The following LDAH variants were observed in gnomAD, a reference collection of about 807,000 sequenced individuals.
LDAH encodes lipid droplet-associated hydrolase.
A neutral mutation model predicts 29.6 loss-of-function variants in LDAH; 26 were observed. The ratio of observed to expected loss-of-function variants is 0.88; its 90% CI spans 0.64 to 1.22. LDAH has a LOEUF of 1.22. LDAH is among the 50% of genes most tolerant of loss of function. The probability of loss-of-function intolerance (pLI) is 0.00; values close to 1 mark genes in which losing one functional copy is unlikely to be tolerated. For missense variants in LDAH, 344 were observed against 387.3 expected (o/e 0.89, Z 0.94); for synonymous variants, 117 against 133.0 (o/e 0.88, Z 0.83).
chr2:20,781,108 T>C (rs1202329335), intron 3 of LDAH, among the ~76,000 whole-genome samples: 1 of 152,230 alleles, frequency 6.6e-6, no homozygotes, highest in African/African-American at 2.4e-5. Context: ...TTTCTAGCTT[T>C]CATTTCATAC....
At chr2:20,721,124 A>G (rs1665618523) in intron 5 of LDAH, among the ~76,000 whole-genome samples, 1 of 152,208 alleles carries the variant, frequency 6.6e-6, no homozygotes, top group Non-Finnish European at 1.5e-5. Context: ...AAAAATAGAC[A>G]AATGGGATTA....
intron 1 of LDAH, among the ~76,000 whole-genome samples, chr2:20,808,860 G>C (rs553963047): frequency 1.3e-5 from 2 of 152,266 alleles, no homozygotes; most frequent in Admixed American, 6.5e-5. Flanking sequence ...ATGCAGAGGA[G>C]TAAGGAAAAC....
chr2:20,778,976 CTATT>C lies in LDAH; in HGVS notation c.299-4001_299-3998del, dbSNP rs893219326. On this transcript the variant is annotated intron_variant, in intron 3 of 6. Coordinates refer to ENST00000237822, the MANE Select transcript of LDAH (RefSeq NM_021925.4). ...ACTGAATATAAATGTATAAGTTCAA[CTATT>C]TATTTTCATACAAACAGTATTTATT... 2.0e-4 allele frequency among the ~76,000 whole-genome samples: 31 copies of C among 151,222 alleles called. No individual in the cohort carries two copies. The South Asian group carries it at 3.8e-3, about 18-fold the overall frequency.
chr2:20,711,243 C>A (rs1022721923), intron 5 of LDAH, among the ~76,000 whole-genome samples: 1 of 151,918 alleles, frequency 6.6e-6, no homozygotes, highest in African/African-American at 2.4e-5. Flanking sequence ...AAAAAATTAG[C>A]CAGGCGTGGT....
intron 5 of LDAH, among the ~76,000 whole-genome samples, chr2:20,732,494 A>G (rs1289378185): frequency 2.0e-5 from 3 of 152,176 alleles, no homozygotes. Context: ...ATAGTTCTTC[A>G]GTGAAATCAT....
chr2:20,701,241 A>G (rs1663913713), intron 6 of LDAH, among the ~76,000 whole-genome samples: 1 of 152,228 alleles, frequency 6.6e-6, no homozygotes, highest in South Asian at 2.1e-4. Flanking sequence ...TGTTTCATTT[A>G]TATTCCAACA....
intron 1 of LDAH, among the ~76,000 whole-genome samples, chr2:20,811,101 T>C (rs1344350739): frequency 8.7e-5 from 13 of 150,130 alleles, no homozygotes; most frequent in Admixed American, 6.0e-4. Context: ...CACTGCAAGC[T>C]CCACCTCCCG....
chr2:20,806,894 G>T (rs374629002), intron 1 of LDAH, among the ~76,000 whole-genome samples: 2 of 151,512 alleles, frequency 1.3e-5, no homozygotes, highest in East Asian at 3.9e-4. Context: ...AAAAATAAAT[G>T]AATCCAAATA....
chr2:20,817,181 AAAT>A (rs1300066185), intron 1 of LDAH, among the ~76,000 whole-genome samples: 2 of 152,088 alleles, frequency 1.3e-5, no homozygotes, highest in Non-Finnish European at 2.9e-5. Context: ...AGAAGGAAGA[AAAT>A]AATAAATATA....
rs572203105 is a variant in LDAH at position 20,821,782 on chromosome 2, AAAAG to A, written c.-3+1251_-3+1254del. ...AAGTATAATTTTAAAAAAATTAAAA[AAAAG>A]AAAGAAAAAATCCTCCAGTCTGAAG... On this transcript the variant is annotated intron_variant, in intron 1 of 6. Coordinates refer to ENST00000237822, the MANE Select transcript of LDAH (RefSeq NM_021925.4). Among the ~76,000 whole-genome samples, 28 of 152,364 alleles carry A rather than the reference AAAAG, an allele frequency of 1.8e-4. 1 individual carries two copies. In the South Asian group the frequency reaches 4.6e-3, roughly 25 times the overall value.
At chr2:20,772,997 C>G (rs1214617029) in intron 4 of LDAH, among the ~76,000 whole-genome samples, 1 of 152,150 alleles carries the variant, frequency 6.6e-6, no homozygotes, top group Non-Finnish European at 1.5e-5. Context: ...GACTTCTGAC[C>G]AGAAACTACG....
intron 3 of LDAH, among the ~76,000 whole-genome samples, chr2:20,778,838 A>G (rs1159723181): frequency 6.6e-6 from 1 of 152,120 alleles, no homozygotes; most frequent in Non-Finnish European, 1.5e-5. Context: ...TATTACATGT[A>G]TATTACTATA....
chr2:20,801,981 T>C (rs1056255340), intron 1 of LDAH, among the ~76,000 whole-genome samples: 2 of 151,592 alleles, frequency 1.3e-5, no homozygotes, highest in Non-Finnish European at 2.9e-5. Context: ...TGTGTGTATG[T>C]ATGAATATGT....
intron 5 of LDAH, among the ~76,000 whole-genome samples, chr2:20,730,729 CCTT>C (rs1167973761): frequency 1.3e-5 from 2 of 151,954 alleles, no homozygotes; most frequent in Admixed American, 1.3e-4. Flanking sequence ...CTCTCCTTCT[CCTT>C]CTCCTTCTTC....
chr2:20,699,479 A>C (rs1663757428), intron 6 of LDAH, among the ~76,000 whole-genome samples: 1 of 152,208 alleles, frequency 6.6e-6, no homozygotes, highest in Non-Finnish European at 1.5e-5. Context: ...TTACAGAAAC[A>C]AAAAGTTGCA....
Position 20,801,311 on chromosome 2 carries a change from A to G in LDAH, c.153T>C (p.Pro51=), listed in dbSNP as rs201305461. Residue 51 remains proline, a splice_region_variant and synonymous_variant, in exon 2 of 7, where the codon CCT becomes CCC. Coordinates refer to ENST00000237822, the MANE Select transcript of LDAH (RefSeq NM_021925.4). Reference sequence around the variant, plus strand: ...CCTCACCCAGACTTTTACGCTCACCAGGAATAATGAAAATAAGCAGCTTAG... The same window carrying G: ...CCTCACCCAGACTTTTACGCTCACCGGGAATAATGAAAATAAGCAGCTTAG... ...KRPKLLIFII[P]GNPGFSAFYV... is the part of the protein sequence containing the mutation. The G allele has an allele frequency of 1.3e-5, 21 of 1,613,290 alleles. No homozygotes were observed. Among genetic ancestry groups the G allele is most frequent in the Middle Eastern group, 3.3e-4 (2 of 6,056 alleles).
In LDAH at chr2:20,684,963, A is replaced by G. The variant is rs1252298906; in HGVS notation, c.*1940T>C. ...ATGAGAAAGGTGGCTTTTCACTTTA[A>G]AAGAGAGACTTTGAGCCGAGTCTAA... On this transcript the variant is annotated 3_prime_UTR_variant, in exon 7 of 7. Coordinates refer to ENST00000237822, the MANE Select transcript of LDAH (RefSeq NM_021925.4). 3 of 1,548,518 alleles carry G rather than the reference A, an allele frequency of 1.9e-6. No individual in the cohort carries two copies. The highest frequency in any genetic ancestry group is 1.7e-4 in the Middle Eastern group (1 of 5,986).
At chr2:20,715,191 T>C (rs956784285) in intron 5 of LDAH, among the ~76,000 whole-genome samples, 3 of 152,212 alleles carry the variant, frequency 2.0e-5, no homozygotes, top group Non-Finnish European at 4.4e-5. Flanking sequence ...CACGATCAAG[T>C]TGGCTTCATC....
At chr2:20,771,160 T>C (rs906049693) in intron 4 of LDAH, among the ~76,000 whole-genome samples, 2 of 152,190 alleles carry the variant, frequency 1.3e-5, no homozygotes, top group Non-Finnish European at 2.9e-5. Context: ...GGCAACTTTT[T>C]TTTAGTATAT....
Sources: allele counts gnomAD v4.1 joint callset (sites outside exome capture counted in the v4.1 genomes callset), GRCh38; gene constraint gnomAD v4.1.1; transcripts MANE v1.5; gene names NCBI Gene and HGNC (gene_info 2026-07-23, HGNC 2026-07-21).